The following ESR1 variants were observed in gnomAD, a reference collection of about 807,000 sequenced individuals.
ESR1 encodes the protein estrogen receptor 1.
Under a neutral mutation model 52.7 loss-of-function variants are expected in ESR1, and 12 were observed. That is an observed-to-expected ratio of 0.23 (90% CI 0.15 to 0.37). The LOEUF (loss-of-function observed/expected upper bound fraction) is 0.37, where lower values mean the gene tolerates loss of function less well. ESR1 is among the 10% of genes least tolerant of loss of function. ESR1 has a pLI of 1.00. For missense variants in ESR1, 584 were observed against 779.7 expected, an observed-to-expected ratio of 0.75 and a Z score of 2.99; for synonymous variants, 305 against 316.8, an observed-to-expected ratio of 0.96 and a Z score of 0.39.
At chr6:151,718,954 G>A (rs571412172) in intron 2 of ESR1, among the ~76,000 whole-genome samples, 2 of 152,212 alleles carry the variant, frequency 1.3e-5, no homozygotes, top group Admixed American at 6.5e-5. Flanking sequence ...AAATCAGTTG[G>A]AGGTGAGGAA....
chr6:151,982,022 T>G (rs554545445), intron 4 of ESR1, among the ~76,000 whole-genome samples: 1 of 152,368 alleles, frequency 6.6e-6, no homozygotes, highest in Admixed American at 6.5e-5. Context: ...CTTTACACGT[T>G]ACCAATGTAA....
chr6:151,696,471 CAAATAAATAAATAAATAAATAAAT>C (rs59140265), intron 1 of ESR1, among the ~76,000 whole-genome samples: 4 of 136,404 alleles, frequency 2.9e-5, no homozygotes, highest in African/African-American at 8.3e-5. Flanking sequence ...GACTCCATCT[CAAATAAATAAATAAATAAATAAAT>C]AAATAAATAA....
chr6:151,993,435 A>C (rs967205712), intron 4 of ESR1, among the ~76,000 whole-genome samples: 1 of 152,048 alleles, frequency 6.6e-6, no homozygotes, highest in Non-Finnish European at 1.5e-5. Context: ...GGACCTATCT[A>C]TCTCCTTCTC....
intron 2 of ESR1, among the ~76,000 whole-genome samples, chr6:151,724,762 G>A (rs977760896): frequency 7.9e-5 from 12 of 152,282 alleles, no homozygotes; most frequent in African/African-American, 2.6e-4. Flanking sequence ...TTCGCCCAGC[G>A]TTAATAGTGT....
At chr6:151,706,460 C>T (rs572305951) in intron 2 of ESR1, among the ~76,000 whole-genome samples, 1 of 152,238 alleles carries the variant, frequency 6.6e-6, no homozygotes, top group East Asian at 1.9e-4. Flanking sequence ...TTTGCCTCAA[C>T]CAGGAAGCAC....
intron 4 of ESR1, among the ~76,000 whole-genome samples, chr6:151,967,956 A>T (rs1386278320): frequency 6.6e-6 from 1 of 151,860 alleles, no homozygotes; most frequent in African/African-American, 2.4e-5. Context: ...TTTTTTTCAT[A>T]TGTTTGTTGG....
At chr6:152,122,402 C>G (rs1266009579) in intron 6 of ESR1, 2 of 1,613,872 alleles carry the variant, frequency 1.2e-6, no homozygotes, top group Non-Finnish European at 8.5e-7. Flanking sequence ...CCTCCTTATG[C>G]TACCAGCACT....
intron 3 of ESR1, 129 bp downstream of exon 3, chr6:151,880,900 T>A: frequency 1.5e-6 from 1 of 654,760 alleles, no homozygotes; most frequent in South Asian, 1.7e-5. Flanking sequence ...TCTATTCTTA[T>A]TTTTCTTTGC....
intron 4 of ESR1, among the ~76,000 whole-genome samples, chr6:151,968,858 G>T (rs2038592567): frequency 6.6e-6 from 1 of 152,104 alleles, no homozygotes; most frequent in Non-Finnish European, 1.5e-5. Flanking sequence ...CTTCCTCTGT[G>T]CCAGGTCCTG....
At chr6:151,956,589 G>A (rs2036935952) in intron 4 of ESR1, among the ~76,000 whole-genome samples, 2 of 151,954 alleles carry the variant, frequency 1.3e-5, no homozygotes, top group South Asian at 4.1e-4. Flanking sequence ...GGTAGAGAAA[G>A]GTTAATAACA....
At chr6:152,010,440 C>T (rs1181915336) in intron 4 of ESR1, among the ~76,000 whole-genome samples, 7 of 151,956 alleles carry the variant, frequency 4.6e-5, no homozygotes, top group Non-Finnish European at 8.8e-5. Context: ...GAGTCATTCC[C>T]ATGGATAAGA....
chr6:151,837,688 G>T (rs941401662), intron 1 of ESR1, among the ~76,000 whole-genome samples: 1 of 152,160 alleles, frequency 6.6e-6, no homozygotes, highest in Non-Finnish European at 1.5e-5. Flanking sequence ...GCATCTGTTA[G>T]GTTGAAGGAC....
At chr6:151,806,957 T>G (rs1007790553), upstream of ESR1, among the ~76,000 whole-genome samples, 16 of 152,176 alleles carry the variant, frequency 1.1e-4, no homozygotes, top group African/African-American at 3.9e-4. Context: ...AGTACAGTAC[T>G]GTGGTCCAAC....
chr6:151,707,442 C>T (rs938359609), intron 2 of ESR1, among the ~76,000 whole-genome samples: 28 of 151,478 alleles, frequency 1.8e-4, no homozygotes, highest in African/African-American at 3.4e-4. Flanking sequence ...ACACAATTTC[C>T]GTTTGTAATA....
chr6:151,728,073 C>G (rs1191851536), intron 2 of ESR1, among the ~76,000 whole-genome samples: 1 of 152,044 alleles, frequency 6.6e-6, no homozygotes, highest in Admixed American at 6.6e-5. Context: ...TTTCTCACAG[C>G]CAAATCAGGA....
upstream of ESR1, among the ~76,000 whole-genome samples, chr6:151,686,112 A>C (rs1386526079): frequency 1.5e-5 from 2 of 130,020 alleles, no homozygotes; most frequent in East Asian, 2.3e-4. Flanking sequence ...GTCTTTCTAC[A>C]TTGCTCAGGC....
chr6:152,097,467 ATGT>A (rs1213287318), intron 7 of ESR1, among the ~76,000 whole-genome samples: 1 of 151,942 alleles, frequency 6.6e-6, no homozygotes, highest in Non-Finnish European at 1.5e-5. Flanking sequence ...AATAGCTTTG[ATGT>A]TGTGTTTTCA....
At chr6:151,857,983 T>TA (rs1314261186) in intron 2 of ESR1, among the ~76,000 whole-genome samples, 1 of 152,228 alleles carries the variant, frequency 6.6e-6, no homozygotes, top group Non-Finnish European at 1.5e-5. Flanking sequence ...AAAACTTCAT[T>TA]AAAAAATCCA....
At chr6:151,883,785 C>T (rs1793364048) in intron 3 of ESR1, among the ~76,000 whole-genome samples, 2 of 151,826 alleles carry the variant, frequency 1.3e-5, no homozygotes, top group African/African-American at 4.8e-5. Flanking sequence ...TGATTTTTCC[C>T]GAGGCCTCTC....
Sources: gnomAD v4.1 joint callset for allele counts (sites outside exome capture counted in the v4.1 genomes callset) on GRCh38, gnomAD v4.1.1 for gene constraint, MANE v1.5 for transcripts, NCBI Gene and HGNC (gene_info 2026-07-23, HGNC 2026-07-21) for gene names.